Variants in ITSN1 observed in about 807,000 individuals in gnomAD.
ITSN1 encodes the protein intersectin-1.
A neutral mutation model predicts 239.8 loss-of-function variants in ITSN1; 58 were observed. The observed-to-expected ratio is 0.24, with a 90% CI of 0.20 to 0.30. ITSN1 has a LOEUF of 0.30. Among genes scored for constraint, ITSN1 ranks in the 10% least tolerant of loss-of-function variants. The pLI is 1.00. For synonymous variants in ITSN1, 780 were observed against 770.8 expected, an observed-to-expected ratio of 1.01 and a Z score of -0.20; for missense variants, 1,558 against 2,103.3, an observed-to-expected ratio of 0.74 and a Z score of 5.07.
In ITSN1 at chr21:33,765,937, A is replaced by G. The variant is rs1602100643; in HGVS notation, c.851A>G (p.His284Arg). The G allele has an allele frequency of 1.2e-6, 2 of 1,614,052 alleles. No individual in the cohort carries two copies. Among genetic ancestry groups the G allele is most frequent in the Non-Finnish European group, 1.7e-6 (2 of 1,179,918 alleles). The change falls in exon 10 of 40, where the codon CAC (histidine) becomes CGC (arginine). Residue 284 changes from histidine (H) to arginine (R), a missense_variant. Transcript: ENST00000381318. ...GCAGAGGAATTTATCCTGGCAATGC[A>G]CCTCATTGATGTAGCTATGTCTGGC... ...LTAEEFILAM[H>R]LIDVAMSGQP...
At chr21:33,736,472 A>G (rs1260945595) in intron 5 of ITSN1, among the ~76,000 whole-genome samples, 1 of 152,242 alleles carries the variant, frequency 6.6e-6, no homozygotes, top group East Asian at 1.9e-4. Flanking sequence ...ATAGTGGTCC[A>G]AGAAAAGAAA....
chr21:33,735,481 G>GTTT, intron 5 of ITSN1: 52 of 261,280 alleles, frequency 2.0e-4, no homozygotes, highest in East Asian at 7.6e-4. Context: ...CAGCTTCTGG[G>GTTT]TTTTTTTTTT....
At chr21:33,863,421 C>G (rs1421225941) in intron 31 of ITSN1, among the ~76,000 whole-genome samples, 1 of 152,190 alleles carries the variant, frequency 6.6e-6, no homozygotes, top group Non-Finnish European at 1.5e-5. Context: ...TTTGGGAGGC[C>G]AAGGTGGGTG....
chr21:33,860,761 C>T (rs1485940644), intron 31 of ITSN1, among the ~76,000 whole-genome samples: 1 of 152,124 alleles, frequency 6.6e-6, no homozygotes, highest in African/African-American at 2.4e-5. Context: ...GTCCTGCCCC[C>T]GTGGAAAAAA....
intron 24 of ITSN1, among the ~76,000 whole-genome samples, chr21:33,822,446 A>G (rs1174015263): frequency 1.3e-5 from 2 of 152,226 alleles, no homozygotes; most frequent in Non-Finnish European, 2.9e-5. Flanking sequence ...AAAAAAATAC[A>G]TACAAAAGCC....
At position 33,673,627 on chromosome 21, in the gene ITSN1, CTG is replaced by C. The variant is rs2090431130; in HGVS notation, c.-33+30918_-33+30919del. On this transcript the variant is annotated intron_variant, in intron 1 of 39. Coordinates refer to ENST00000381318, the MANE Select transcript of ITSN1 (RefSeq NM_003024.3). The stretch of plus-strand genomic sequence containing the variant: ...TTATCTGTAACACGTATTAGAGAAA[CTG>C]TGTCTTGTCGGAACCTACCCCTCAG... 2.6e-5 allele frequency among the ~76,000 whole-genome samples: 4 copies of C among 151,278 alleles called. No homozygotes were observed. The South Asian group carries it at 8.3e-4, about 31-fold the overall frequency.
intron 1 of ITSN1, among the ~76,000 whole-genome samples, chr21:33,644,223 G>A (rs2087717493): frequency 6.6e-6 from 1 of 152,072 alleles, no homozygotes; most frequent in Non-Finnish European, 1.5e-5. Context: ...TATTTTGATG[G>A]GAGTTTCCTT....
intron 29 of ITSN1, among the ~76,000 whole-genome samples, chr21:33,855,372 G>C (rs1979126842): frequency 6.6e-6 from 1 of 152,216 alleles, no homozygotes; most frequent in Non-Finnish European, 1.5e-5. Flanking sequence ...CCCCAGCAGG[G>C]GGTTTTGCAC....
intron 5 of ITSN1, among the ~76,000 whole-genome samples, chr21:33,748,685 CAA>C (rs1399245214): frequency 7.1e-6 from 1 of 140,488 alleles, no homozygotes; most frequent in Non-Finnish European, 1.6e-5. Context: ...ACCGCCCCAC[CAA>C]AAAAAAAAAT....
chr21:33,751,035 G>A (rs762477158), intron 6 of ITSN1, among the ~76,000 whole-genome samples: 4 of 152,102 alleles, frequency 2.6e-5, no homozygotes, highest in Non-Finnish European at 5.9e-5. Flanking sequence ...TGCGCCTTTG[G>A]CCCCCTGAAT....
At chr21:33,700,793 G>T (rs1459660127) in intron 1 of ITSN1, among the ~76,000 whole-genome samples, 1 of 152,012 alleles carries the variant, frequency 6.6e-6, no homozygotes, top group African/African-American at 2.4e-5. Context: ...TTTTTGTGAG[G>T]GGATGGTCAA....
At chr21:33,874,720 C>G (rs1232884980) in intron 33 of ITSN1, among the ~76,000 whole-genome samples, 1 of 146,386 alleles carries the variant, frequency 6.8e-6, no homozygotes, top group Admixed American at 6.9e-5. Flanking sequence ...GCAATCTTGG[C>G]TCACTACAAC....
chr21:33,750,269 T>C lies in ITSN1; in HGVS notation c.473T>C (p.Leu158Pro). 1 of 1,614,026 alleles carries C rather than the reference T, an allele frequency of 6.2e-7. No individual in the cohort carries two copies. ...SSVPTAAVPP[L>P]ANGAPPVIQP... ...GTTCCCACAGCAGCTGTGCCCCCCC[T>C]GGCTAACGGGGCTCCCCCTGTTATA... The change falls in exon 6 of 40, where the codon CTG (leucine) becomes CCG (proline). Residue 158 changes from leucine to proline, a missense_variant. Around this residue, in one of 2 missense-constraint regions of ITSN1, gnomAD observed 982 missense variants for 1,209.9 expected, o/e 0.81. Coordinates refer to ENST00000381318, the MANE Select transcript of ITSN1 (RefSeq NM_003024.3).
Position 33,834,385 on chromosome 21 carries a change from A to G in ITSN1, c.3430A>G (p.Thr1144Ala). 1 of 1,613,660 alleles carries G rather than the reference A, an allele frequency of 6.2e-7. No individual in the cohort carries two copies. Among genetic ancestry groups the G allele is most frequent in the Admixed American group, 1.7e-5 (1 of 59,974 alleles). ...TCTAAGCCCTGGGACGAGCAAAATCACTCCAACAGAGCCACCTAAGTCAAC... is the reference window on the plus strand; with the variant it reads ...TCTAAGCCCTGGGACGAGCAAAATCGCTCCAACAGAGCCACCTAAGTCAAC... ...KLLSPGTSKI[T>A]PTEPPKSTAL... The change falls in exon 28 of 40, where the codon ACT (threonine) becomes GCT (alanine). Residue 1144 changes from threonine (T) to alanine (A), a missense_variant. Coordinates refer to ENST00000381318, the MANE Select transcript of ITSN1 (RefSeq NM_003024.3).
At chr21:33,880,374 C>T (rs1348236730) in intron 34 of ITSN1, among the ~76,000 whole-genome samples, 1 of 152,148 alleles carries the variant, frequency 6.6e-6, no homozygotes, top group African/African-American at 2.4e-5. Context: ...ATTATTTGCG[C>T]CCACGTGGCT....
intron 1 of ITSN1, among the ~76,000 whole-genome samples, chr21:33,718,269 A>G (rs2065281766): frequency 6.6e-6 from 1 of 152,226 alleles, no homozygotes; most frequent in South Asian, 2.1e-4. Flanking sequence ...ATAACCATCA[A>G]GTAGATGGAC....
intron 1 of ITSN1, among the ~76,000 whole-genome samples, chr21:33,650,185 G>A (rs919211293): frequency 9.9e-5 from 15 of 152,166 alleles, no homozygotes; most frequent in African/African-American, 3.4e-4. Context: ...AGCATTTGAT[G>A]TGTTCCTCCT....
At chr21:33,766,709 A>G (rs2068743575) in intron 10 of ITSN1, among the ~76,000 whole-genome samples, 1 of 152,250 alleles carries the variant, frequency 6.6e-6, no homozygotes, top group South Asian at 2.1e-4. Flanking sequence ...CATTACTGTC[A>G]GCACACACGT....
Position 33,658,635 on chromosome 21 carries a change from A to G in ITSN1, c.-33+15922A>G, listed in dbSNP as rs763470194. ...TGTTACTGGCTGCATGACTGTACCT[A>G]CTGGATCCATTGGGCGCTTAAAACT... On this transcript the variant is annotated intron_variant, in intron 1 of 39. Transcript: ENST00000381318. Among the ~76,000 whole-genome samples the G allele has an allele frequency of 1.3e-5, 2 of 152,328 alleles. 1 individual carries two copies. The highest frequency in any genetic ancestry group is 2.9e-5 in the Non-Finnish European group (2 of 68,016).
Sources: gnomAD v4.1 joint callset for allele counts (sites outside exome capture counted in the v4.1 genomes callset) on GRCh38, gnomAD v4.1.1 for gene constraint, gnomAD v4.1.1 regional missense constraint, MANE v1.5 for transcripts, NCBI Gene and HGNC (gene_info 2026-07-23, HGNC 2026-07-21) for gene names.